PARD3B: variants seen among roughly 807,000 people sequenced by gnomAD.
The protein encoded by PARD3B is partitioning defective 3 homolog B.
Under a neutral mutation model 130.2 loss-of-function variants are expected in PARD3B, and 103 were observed. The ratio of observed to expected loss-of-function variants is 0.79; its 90% CI spans 0.67 to 0.93. PARD3B has a LOEUF of 0.93. Ranked by LOEUF, PARD3B falls within the 40% of genes least tolerant of loss-of-function variation. The pLI, the probability that PARD3B is intolerant of heterozygous loss-of-function variation, is 0.00. For missense variants in PARD3B, 1,609 were observed against 1,499.2 expected (o/e 1.07, Z -1.21); for synonymous variants, 583 against 553.2 (o/e 1.05, Z -0.76).
chr2:205,156,706 G>T (rs534046141), intron 10 of PARD3B, among the ~76,000 whole-genome samples: 36 of 152,230 alleles, frequency 2.4e-4, no homozygotes, highest in African/African-American at 8.7e-4. Context: ...CAGGTTTGTT[G>T]TGAAGCATAA....
intron 20 of PARD3B, among the ~76,000 whole-genome samples, chr2:205,459,737 C>T (rs1487757184): frequency 6.6e-6 from 1 of 152,164 alleles, no homozygotes; most frequent in Admixed American, 6.5e-5. Flanking sequence ...GTTGGCCCTC[C>T]TCACCATTTC....
chr2:205,560,718 G>A (rs1319701665), intron 22 of PARD3B, among the ~76,000 whole-genome samples: 1 of 152,164 alleles, frequency 6.6e-6, no homozygotes, highest in Non-Finnish European at 1.5e-5. Flanking sequence ...TGTTACATAA[G>A]TTACTTGGGA....
intron 19 of PARD3B, among the ~76,000 whole-genome samples, chr2:205,434,535 A>G (rs1214790765): frequency 1.3e-5 from 2 of 152,178 alleles, no homozygotes; most frequent in Non-Finnish European, 2.9e-5. Flanking sequence ...TAACAGTTTC[A>G]TATTAATAGA....
chr2:204,808,077 A>G (rs1037315235), intron 2 of PARD3B, among the ~76,000 whole-genome samples: 19 of 152,108 alleles, frequency 1.2e-4, no homozygotes, highest in Non-Finnish European at 2.4e-4. Context: ...CATGTACCCT[A>G]TAAATATATA....
In PARD3B at chr2:205,618,464, G is replaced by T. The variant is rs2055501634; in HGVS notation, c.*2651G>T. On this transcript the variant is annotated 3_prime_UTR_variant, in exon 23 of 23. Transcript: ENST00000406610. ...TAATCAGTAATGTGCCTGGGAGCAG[G>T]AAATAGCTCCCAATTTATTTATGGC... The T allele has an allele frequency of 6.6e-6, 1 of 152,184 alleles. No individual in the cohort carries two copies. Among genetic ancestry groups the T allele is most frequent in the African/African-American group, 2.4e-5 (1 of 41,438 alleles). The allele number at this position is 152,184 out of a possible 1,614,324, so 9.4% of individuals were successfully genotyped here.
At chr2:205,179,735 A>G (rs1404307433) in intron 13 of PARD3B, among the ~76,000 whole-genome samples, 2 of 152,224 alleles carry the variant, frequency 1.3e-5, no homozygotes, top group African/African-American at 2.4e-5. Flanking sequence ...CACAAGATGT[A>G]TTTTCTGAAG....
chr2:204,615,173 T>G (rs2034065348), intron 1 of PARD3B, among the ~76,000 whole-genome samples: 1 of 152,172 alleles, frequency 6.6e-6, no homozygotes, highest in Non-Finnish European at 1.5e-5. Context: ...AACAGGTAGT[T>G]GGAAAAGGGA....
At chr2:204,904,128 T>G (rs2046963796) in intron 2 of PARD3B, among the ~76,000 whole-genome samples, 1 of 152,238 alleles carries the variant, frequency 6.6e-6, no homozygotes, top group African/African-American at 2.4e-5. Flanking sequence ...TATAGTTCTT[T>G]AAGTTCAATT....
At chr2:205,102,961 G>A (rs1260939543) in intron 4 of PARD3B, among the ~76,000 whole-genome samples, 6 of 151,946 alleles carry the variant, frequency 3.9e-5, no homozygotes, top group Non-Finnish European at 7.4e-5. Context: ...CCAGCCACTC[G>A]GGAGGCTGAG....
intron 2 of PARD3B, among the ~76,000 whole-genome samples, chr2:204,824,494 A>G (rs750624648): frequency 6.6e-6 from 1 of 152,132 alleles, no homozygotes; most frequent in African/African-American, 2.4e-5. Context: ...CATAGTCCCT[A>G]TATTAAGCCC....
At chr2:205,333,700 G>C (rs1021111175) in intron 18 of PARD3B, among the ~76,000 whole-genome samples, 7 of 152,104 alleles carry the variant, frequency 4.6e-5, no homozygotes, top group African/African-American at 1.7e-4. Flanking sequence ...CATGTACCCT[G>C]AAGACGTGGA....
chr2:205,223,449 A>G (rs1365602726), intron 15 of PARD3B, among the ~76,000 whole-genome samples: 1 of 152,232 alleles, frequency 6.6e-6, no homozygotes, highest in African/African-American at 2.4e-5. Context: ...CAAAAGCCAT[A>G]GGTCCAGGTA....
At chr2:205,583,415 G>A (rs945662293) in intron 22 of PARD3B, among the ~76,000 whole-genome samples, 23 of 22,214 alleles carry the variant, frequency 1.0e-3, no homozygotes, top group South Asian at 9.4e-3. Flanking sequence ...GCGCACGCGC[G>A]TGTGAGAGAG....
At chr2:204,586,583 A>G (rs2032836937) in intron 1 of PARD3B, among the ~76,000 whole-genome samples, 1 of 152,156 alleles carries the variant, frequency 6.6e-6, no homozygotes, top group South Asian at 2.1e-4. Flanking sequence ...TTCTGACTTT[A>G]TTTTCCTTCA....
At chr2:205,240,627 A>G (rs912243937) in intron 15 of PARD3B, among the ~76,000 whole-genome samples, 1 of 152,166 alleles carries the variant, frequency 6.6e-6, no homozygotes, top group Non-Finnish European at 1.5e-5. Context: ...TTTTATCTGA[A>G]GAGACTTGTG....
At chr2:205,367,641 G>A (rs1292536319) in intron 18 of PARD3B, among the ~76,000 whole-genome samples, 2 of 152,132 alleles carry the variant, frequency 1.3e-5, no homozygotes. Context: ...ATTAGTAAAT[G>A]GCCAATCAGT....
intron 2 of PARD3B, among the ~76,000 whole-genome samples, chr2:204,693,166 A>G (rs2037434762): frequency 6.6e-6 from 1 of 152,040 alleles, no homozygotes; most frequent in Non-Finnish European, 1.5e-5. Context: ...TTAAAAATTT[A>G]GTTATTTAAT....
intron 16 of PARD3B, among the ~76,000 whole-genome samples, chr2:205,255,524 G>C (rs1047278454): frequency 1.3e-5 from 2 of 152,014 alleles, no homozygotes; most frequent in African/African-American, 4.8e-5. Context: ...TAAGCTCTTA[G>C]TTCCACAAGC....
At chr2:204,923,857 A>G (rs1184921217) in intron 2 of PARD3B, among the ~76,000 whole-genome samples, 1 of 152,098 alleles carries the variant, frequency 6.6e-6, no homozygotes, top group Non-Finnish European at 1.5e-5. Flanking sequence ...ACAAAAAATT[A>G]TAGTCAATTT....
Sources: gnomAD v4.1 joint callset for allele counts (sites outside exome capture counted in the v4.1 genomes callset) on GRCh38, gnomAD v4.1.1 for gene constraint, MANE v1.5 for transcripts, NCBI Gene and HGNC (gene_info 2026-07-23, HGNC 2026-07-21) for gene names.